The following HS6ST3 variants were observed in gnomAD, a reference collection of about 807,000 sequenced individuals.
HS6ST3 encodes heparan sulfate 6-O-sulfotransferase 3, also known as heparan-sulfate 6-O-sulfotransferase 3.
A neutral mutation model predicts 36.7 loss-of-function variants in HS6ST3; 12 were observed. That is an observed-to-expected ratio of 0.33 (90% confidence interval 0.21 to 0.53). The LOEUF is 0.53. HS6ST3 is among the 20% of genes least tolerant of loss of function. HS6ST3 has a pLI of 0.95. For synonymous variants in HS6ST3, 240 were observed against 257.5 expected (o/e 0.93, Z 0.65); for missense variants, 584 against 640.9 (o/e 0.91, Z 0.96).
intron 1 of HS6ST3, among the ~76,000 whole-genome samples, chr13:96,476,066 C>A (rs2055862698): frequency 3.9e-5 from 6 of 152,124 alleles, no homozygotes; most frequent in Admixed American, 3.9e-4. Context: ...CAACAATAAC[C>A]TGAAAATAAG....
intron 1 of HS6ST3, among the ~76,000 whole-genome samples, chr13:96,762,243 C>A (rs1481671754): frequency 6.6e-6 from 1 of 152,048 alleles, no homozygotes; most frequent in Non-Finnish European, 1.5e-5. Context: ...TTTGGGATGC[C>A]AAGGCAGGCA....
In HS6ST3 at chr13:96,775,515, G is replaced by GAA. The variant is rs201832131; in HGVS notation, c.708-56963_708-56962dup. On this transcript the variant is annotated intron_variant, in intron 1 of 1. Transcript: ENST00000376705. ...TACCAAGCACATGGAAGGCAAAAAA[G>GAA]AAAAAAAAAAAAAGCAGGGGTTGCA... 2.8e-4 allele frequency among the ~76,000 whole-genome samples: 30 copies of GAA among 108,472 alleles called. No individual in the cohort carries two copies. In the East Asian group the frequency reaches 3.5e-3, roughly 12 times the overall value. The allele number at this position is 108,472 out of a possible 152,430, so 71.2% of individuals were successfully genotyped here.
At chr13:96,114,806 A>G (rs533181481) in intron 1 of HS6ST3, among the ~76,000 whole-genome samples, 1 of 152,376 alleles carries the variant, frequency 6.6e-6, no homozygotes, top group East Asian at 1.9e-4. Context: ...CCCCAGGCCT[A>G]GTAAATAGAC....
intron 1 of HS6ST3, among the ~76,000 whole-genome samples, chr13:96,171,833 T>C (rs1242258233): frequency 2.0e-5 from 3 of 152,118 alleles, no homozygotes; most frequent in Non-Finnish European, 4.4e-5. Flanking sequence ...ATAACTACAA[T>C]TACTTACTAA....
At chr13:96,371,831 T>TATATATATGC (rs1454300781) in intron 1 of HS6ST3, among the ~76,000 whole-genome samples, 5 of 152,232 alleles carry the variant, frequency 3.3e-5, no homozygotes, top group Admixed American at 6.5e-5. Context: ...TTCTATTGCA[T>TATATATATGC]ATATATGTAT....
intron 1 of HS6ST3, among the ~76,000 whole-genome samples, chr13:96,455,223 T>G (rs948909646): frequency 1.3e-5 from 2 of 149,478 alleles, no homozygotes; most frequent in Non-Finnish European, 1.5e-5. Flanking sequence ...TACAAGGGGT[T>G]GTTGTTGTTG....
intron 1 of HS6ST3, among the ~76,000 whole-genome samples, chr13:96,789,112 C>T (rs1183616823): frequency 1.3e-5 from 2 of 151,616 alleles, no homozygotes; most frequent in African/African-American, 4.8e-5. Context: ...CTGCTCTCTG[C>T]TAGATTACTT....
At chr13:96,392,177 A>C (rs2055399119) in intron 1 of HS6ST3, among the ~76,000 whole-genome samples, 1 of 152,190 alleles carries the variant, frequency 6.6e-6, no homozygotes, top group South Asian at 2.1e-4. Context: ...GGTCTTTAAC[A>C]GTTTGCTTCA....
chr13:96,780,794 C>T (rs1357243432), intron 1 of HS6ST3, among the ~76,000 whole-genome samples: 1 of 152,006 alleles, frequency 6.6e-6, no homozygotes, highest in Admixed American at 6.6e-5. Context: ...GTCCTCACCT[C>T]TTGAGTATTC....
chr13:96,397,495 T>C (rs1258921231), intron 1 of HS6ST3, among the ~76,000 whole-genome samples: 1 of 152,168 alleles, frequency 6.6e-6, no homozygotes, highest in African/African-American at 2.4e-5. Flanking sequence ...GACTCATCAA[T>C]ATAAATTGTT....
intron 1 of HS6ST3, among the ~76,000 whole-genome samples, chr13:96,458,316 AG>A (rs1425639694): frequency 5.0e-4 from 75 of 150,568 alleles, no homozygotes; most frequent in African/African-American, 1.7e-3. Context: ...TAAAAAAAAG[AG>A]AGAGAGAGAG....
chr13:96,348,012 ACACT>A (rs1164969325), intron 1 of HS6ST3, among the ~76,000 whole-genome samples: 1 of 152,252 alleles, frequency 6.6e-6, no homozygotes, highest in Admixed American at 6.5e-5. Flanking sequence ...CATAGAGTAA[ACACT>A]CAGTAAATAT....
intron 1 of HS6ST3, among the ~76,000 whole-genome samples, chr13:96,112,620 T>TATATATATAC: frequency 7.6e-6 from 1 of 132,440 alleles, no homozygotes; most frequent in Non-Finnish European, 1.6e-5. Flanking sequence ...TATATATATA[T>TATATATATAC]ATGCCCGGCT....
intron 1 of HS6ST3, among the ~76,000 whole-genome samples, chr13:96,437,000 G>T (rs770525585): frequency 6.6e-6 from 1 of 151,982 alleles, no homozygotes; most frequent in Admixed American, 6.6e-5. Context: ...AACCCTTCTG[G>T]CTTTCCTCAC....
rs9525168 is a variant in HS6ST3, at chr13:96,254,510, C to T, written c.707+162941C>T. 1.5e-3 allele frequency among the ~76,000 whole-genome samples: 41 copies of T among 28,230 alleles called. 1 individual carries two copies. The highest frequency in any genetic ancestry group is 2.6e-3 in the Non-Finnish European group (27 of 10,358). The allele number at this position is 28,230 out of a possible 152,430, so 18.5% of individuals were successfully genotyped here. On this transcript the variant is annotated intron_variant, in intron 1 of 1. Transcript: ENST00000376705. ...ATATATATATATATACACATACATA[C>T]ACACACACACTTTTTTCTTTTCACA...
At chr13:96,679,786 G>A (rs1203853411) in intron 1 of HS6ST3, among the ~76,000 whole-genome samples, 5 of 152,090 alleles carry the variant, frequency 3.3e-5, no homozygotes, top group Non-Finnish European at 5.9e-5. Context: ...GTTCTTTGAG[G>A]TATATATCAC....
Position 96,139,867 on chromosome 13 carries a change from G to A in HS6ST3, c.707+48298G>A, listed in dbSNP as rs567890019. Among the ~76,000 whole-genome samples, 190 of 152,136 alleles carry A rather than the reference G, an allele frequency of 1.2e-3. 1 individual carries two copies. The highest frequency in any genetic ancestry group is 4.4e-3 in the African/African-American group (182 of 41,506). ...ACATAAAGTTTAGTGCATTATTTGGGTGCAGTACTTGGGCCTAAAACCAAG... is the reference window on the plus strand; with the variant it reads ...ACATAAAGTTTAGTGCATTATTTGGATGCAGTACTTGGGCCTAAAACCAAG... On this transcript the variant is annotated intron_variant, in intron 1 of 1. Coordinates refer to ENST00000376705, the MANE Select transcript of HS6ST3 (RefSeq NM_153456.4).
At chr13:96,830,105 C>T (rs756262622) in intron 1 of HS6ST3, among the ~76,000 whole-genome samples, 8 of 151,714 alleles carry the variant, frequency 5.3e-5, no homozygotes, top group Non-Finnish European at 8.8e-5. Context: ...AGATATTCAA[C>T]ACTTTTTTAT....
Position 96,680,349 on chromosome 13 carries a change from C to T in HS6ST3, c.708-152141C>T, listed in dbSNP as rs76670219. Among the ~76,000 whole-genome samples the T allele has an allele frequency of 1.3e-3, 202 of 152,212 alleles. 1 individual carries two copies. Among genetic ancestry groups the T allele is most frequent in the East Asian group, 0.01 (53 of 5,168 alleles). ...CAGTCCTGCAATTGGATATGTGGAA[C>T]CTGACAATCTCCCTGCATATATGTA... On this transcript the variant is annotated intron_variant, in intron 1 of 1. Coordinates refer to ENST00000376705, the MANE Select transcript of HS6ST3 (RefSeq NM_153456.4).
Sources: gnomAD v4.1 joint callset for allele counts (sites outside exome capture counted in the v4.1 genomes callset) on GRCh38, gnomAD v4.1.1 for gene constraint, MANE v1.5 for transcripts, NCBI Gene and HGNC (gene_info 2026-07-23, HGNC 2026-07-21) for gene names.